The following EYS variants were observed in gnomAD, a reference collection of about 807,000 sequenced individuals.
EYS encodes EGF-like photoreceptor maintenance factor, also known as protein eyes shut homolog.
EYS carries 250 observed loss-of-function variants against 282.1 expected under a neutral mutation model. The ratio of observed to expected loss-of-function variants is 0.89; its 90% CI spans 0.80 to 0.98. EYS has a LOEUF of 0.98. Ranked by LOEUF, EYS falls within the 50% of genes least tolerant of loss-of-function variation. The probability of loss-of-function intolerance (pLI) is 0.00; values close to 1 mark genes in which losing one functional copy is unlikely to be tolerated. For synonymous variants in EYS, 1,355 were observed against 1,282.9 expected (o/e 1.06, Z -1.20); for missense variants, 4,016 against 3,709.0 (o/e 1.08, Z -2.15).
intron 2 of EYS, among the ~76,000 whole-genome samples, chr6:65,541,245 C>G (rs1768157752): frequency 6.6e-6 from 1 of 152,104 alleles, no homozygotes; most frequent in South Asian, 2.1e-4. Flanking sequence ...AAATTGTATA[C>G]TGATTGTAAG....
rs1562079432 is a variant in EYS at position 64,590,811 on chromosome 6, T to C, written c.5056A>G (p.Lys1686Glu). 6 of 1,550,172 alleles carry C rather than the reference T, an allele frequency of 3.9e-6. No homozygotes were observed. Among genetic ancestry groups the C allele is most frequent in the Non-Finnish European group, 5.2e-6 (6 of 1,146,118 alleles). The change falls in exon 26 of 43, where the codon AAA becomes GAA. Residue 1686 changes from lysine (K) to glutamate (E), a missense_variant. Lys to Glu is a moderately conservative substitution (Grantham distance 56). Coordinates refer to ENST00000503581, the MANE Select transcript of EYS (RefSeq NM_001142800.2). ...ACTGACAGTTCATCAGTAGTCATTT[T>C]TGAAGTCAAATCAGAATTCATCAAG... Reference protein sequence around the residue: ...SDLMNSDLTSKMTTDELSVSE... With the variant: ...SDLMNSDLTSEMTTDELSVSE...
At chr6:63,733,976 C>T (rs957483314) in intron 41 of EYS, among the ~76,000 whole-genome samples, 3 of 152,076 alleles carry the variant, frequency 2.0e-5, no homozygotes, top group African/African-American at 2.4e-5. Context: ...CAGCCAGTAC[C>T]TTTAATCAGC....
intron 31 of EYS, among the ~76,000 whole-genome samples, chr6:64,221,414 T>C (rs4235968): frequency 0.32 from 47,857 of 151,886 alleles, 7,535 homozygotes; most frequent in East Asian, 0.5. Context: ...CTTTTGTCTA[T>C]TATCATGGGA....
At chr6:65,274,010 G>A (rs1409693147) in intron 12 of EYS, among the ~76,000 whole-genome samples, 1 of 152,076 alleles carries the variant, frequency 6.6e-6, no homozygotes, top group Non-Finnish European at 1.5e-5. Flanking sequence ...GTTAGAACTG[G>A]GGCTTATGGA....
intron 12 of EYS, among the ~76,000 whole-genome samples, chr6:65,200,413 A>T (rs1042510013): frequency 6.6e-6 from 1 of 151,646 alleles, no homozygotes; most frequent in African/African-American, 2.4e-5. Flanking sequence ...GCTGGACTCC[A>T]TGAAGTCCCT....
At chr6:64,043,395 G>A (rs950380284) in intron 33 of EYS, among the ~76,000 whole-genome samples, 4 of 152,196 alleles carry the variant, frequency 2.6e-5, no homozygotes, top group Admixed American at 6.5e-5. Context: ...AAGAGCATGG[G>A]GACATCTAGA....
intron 11 of EYS, among the ~76,000 whole-genome samples, chr6:65,319,793 T>C (rs929249290): frequency 6.6e-6 from 1 of 152,162 alleles, no homozygotes; most frequent in African/African-American, 2.4e-5. Context: ...GGGAAGTGGC[T>C]GCTTGGTTAT....
At chr6:64,732,758 T>C (rs1256944639) in intron 22 of EYS, among the ~76,000 whole-genome samples, 2 of 151,292 alleles carry the variant, frequency 1.3e-5, no homozygotes, top group African/African-American at 2.4e-5. Flanking sequence ...CAAAAAAGAG[T>C]ACAGTCTTGC....
chr6:64,734,021 A>G (rs1217758848), intron 22 of EYS, among the ~76,000 whole-genome samples: 1 of 152,202 alleles, frequency 6.6e-6, no homozygotes, highest in Non-Finnish European at 1.5e-5. Flanking sequence ...GTTTAAAACA[A>G]TAAAACAAAC....
chr6:65,636,182 G>A (rs537286496), intron 2 of EYS, among the ~76,000 whole-genome samples: 191 of 152,316 alleles, frequency 1.3e-3, no homozygotes, highest in South Asian at 4.4e-3. Flanking sequence ...AAGAAGACAA[G>A]GTCATTTCTC....
At position 65,198,117 on chromosome 6, in the gene EYS, A is replaced by G. The variant is rs141041772; in HGVS notation, c.2023+97746T>C. ...CTATTTGTAGTAATTATAACTTTTT[A>G]GTACGTTTTGTTGATAACTAAGACA... is the stretch of plus-strand genomic sequence containing the variant. On this transcript the variant is annotated intron_variant, in intron 12 of 42. Coordinates refer to ENST00000503581, the MANE Select transcript of EYS (RefSeq NM_001142800.2). 6.5e-3 allele frequency among the ~76,000 whole-genome samples: 982 copies of G among 152,130 alleles called. 12 individuals are homozygous for G. Among genetic ancestry groups the G allele is most frequent in the African/African-American group, 0.022 (924 of 41,514 alleles).
intron 1 of EYS, among the ~76,000 whole-genome samples, chr6:65,686,959 T>A (rs1441553342): frequency 1.3e-5 from 2 of 152,106 alleles, no homozygotes; most frequent in East Asian, 3.9e-4. Context: ...ATCGATTTTA[T>A]TAGAACACAA....
chr6:64,048,785 C>T (rs1770711550), intron 33 of EYS, among the ~76,000 whole-genome samples: 1 of 151,942 alleles, frequency 6.6e-6, no homozygotes, highest in Non-Finnish European at 1.5e-5. Context: ...TTATCAACTT[C>T]TTAAAAGAAG....
chr6:64,675,431 T>TC (rs1228197394), intron 22 of EYS, among the ~76,000 whole-genome samples: 28 of 140,564 alleles, frequency 2.0e-4, no homozygotes, highest in African/African-American at 6.9e-4. Context: ...TTTTTTTCTT[T>TC]TTTTTTTTTT....
At chr6:64,438,884 A>G (rs988627962) in intron 27 of EYS, among the ~76,000 whole-genome samples, 9 of 151,620 alleles carry the variant, frequency 5.9e-5, no homozygotes, top group African/African-American at 2.2e-4. Flanking sequence ...TTTTAAATTT[A>G]TAAATATGTG....
intron 11 of EYS, among the ~76,000 whole-genome samples, chr6:65,326,528 T>G (rs1769627014): frequency 6.6e-6 from 1 of 151,516 alleles, no homozygotes; most frequent in African/African-American, 2.4e-5. Context: ...TTAATATCTT[T>G]TCTCATACTC....
At chr6:65,356,350 G>C (rs1764487864) in intron 8 of EYS, among the ~76,000 whole-genome samples, 1 of 151,950 alleles carries the variant, frequency 6.6e-6, no homozygotes, top group African/African-American at 2.4e-5. Context: ...ACGAATCCCT[G>C]TTTCTGCCAC....
At chr6:64,475,010 G>A (rs1776218471) in intron 26 of EYS, among the ~76,000 whole-genome samples, 1 of 152,160 alleles carries the variant, frequency 6.6e-6, no homozygotes, top group Non-Finnish European at 1.5e-5. Flanking sequence ...TGGCCAACGG[G>A]AAATATAGGT....
At chr6:65,393,205 G>A (rs1449135973) in intron 7 of EYS, among the ~76,000 whole-genome samples, 1 of 152,108 alleles carries the variant, frequency 6.6e-6, no homozygotes, top group East Asian at 1.9e-4. Flanking sequence ...ATAGCATTGG[G>A]AGATATACCT....
Sources: gnomAD v4.1 joint callset for allele counts (sites outside exome capture counted in the v4.1 genomes callset) on GRCh38, gnomAD v4.1.1 for gene constraint, MANE v1.5 for transcripts, NCBI Gene and HGNC (gene_info 2026-07-23, HGNC 2026-07-21) for gene names.